RFX3: variants seen among roughly 807,000 people sequenced by gnomAD.
RFX3 encodes the protein transcription factor RFX3.
In RFX3, 14 loss-of-function variants were observed where a neutral mutation model predicts 98.6. The observed-to-expected ratio is 0.14, with a 90% CI of 0.09 to 0.22. The LOEUF (loss-of-function observed/expected upper bound fraction) is 0.22, where lower values mean the gene tolerates loss of function less well. RFX3 is among the 10% of genes least tolerant of loss of function. The pLI is 1.00. For synonymous variants in RFX3, 383 were observed against 328.4 expected (o/e 1.17, Z -1.80); for missense variants, 639 against 926.9 (o/e 0.69, Z 4.03).
rs568451567 is a variant in RFX3 at position 3,376,828 on chromosome 9, C to T, written c.117+18644G>A. 5.7e-3 allele frequency among the ~76,000 whole-genome samples: 866 copies of T among 152,280 alleles called. 1 individual carries two copies. Among genetic ancestry groups the T allele is most frequent in the Non-Finnish European group, 7.1e-3 (484 of 68,026 alleles). The stretch of plus-strand genomic sequence containing the variant: ...CAAAAGAAGACATTTATGCAGCCAA[C>T]AGACACATGAAAAAATGCTCATCAT... On this transcript the variant is annotated intron_variant, in intron 2 of 16. Coordinates refer to ENST00000617270, the MANE Select transcript of RFX3 (RefSeq NM_001282116.2).
intron 10 of RFX3, chr9:3,270,763 G>C (rs1033693671): frequency 7.5e-6 from 5 of 668,844 alleles, no homozygotes; most frequent in African/African-American, 7.3e-5. Context: ...AGATATGATA[G>C]TAATTCCATG....
intron 2 of RFX3, among the ~76,000 whole-genome samples, chr9:3,371,089 T>G (rs1837790636): frequency 6.6e-6 from 1 of 152,208 alleles, no homozygotes; most frequent in South Asian, 2.1e-4. Flanking sequence ...GTCATTCAAT[T>G]TATTCACTAT....
intron 1 of RFX3, among the ~76,000 whole-genome samples, chr9:3,500,259 T>C (rs1424542539): frequency 6.6e-6 from 1 of 151,830 alleles, no homozygotes; most frequent in African/African-American, 2.4e-5. Context: ...AAACAGCGCA[T>C]AGCAAAGCAA....
At position 3,224,935 on chromosome 9, in the gene RFX3, C is replaced by G; in HGVS notation, c.*107G>C. On this transcript the variant is annotated 3_prime_UTR_variant, in exon 17 of 17. Coordinates refer to ENST00000617270, the MANE Select transcript of RFX3 (RefSeq NM_001282116.2). ...ACAACTCCAAAAAGTTAATGTTCAG[C>G]ACAGATAGAATTTGACAACAGTCGA... 8.9e-7 allele frequency: 1 copy of G among 1,122,064 alleles called. No individual in the cohort carries two copies. 69.5% of individuals were successfully genotyped at this position (1,122,064 alleles called of 1,614,324 possible). A position where few individuals can be genotyped will look rare whatever the true frequency, so the allele number is the denominator to read the frequency against.
At chr9:3,428,337 C>T (rs1384329218) in intron 1 of RFX3, among the ~76,000 whole-genome samples, 5 of 152,000 alleles carry the variant, frequency 3.3e-5, no homozygotes, top group East Asian at 1.9e-4. Flanking sequence ...ATAGGTAGCG[C>T]TAAATAATTT....
At chr9:3,355,372 CT>C (rs1835625860) in intron 2 of RFX3, among the ~76,000 whole-genome samples, 2 of 151,680 alleles carry the variant, frequency 1.3e-5, no homozygotes, top group African/African-American at 4.8e-5. Flanking sequence ...AGAGATAAAT[CT>C]TGCAAATGCC....
chr9:3,494,966 G>C (rs1263517334), intron 1 of RFX3, among the ~76,000 whole-genome samples: 1 of 152,018 alleles, frequency 6.6e-6, no homozygotes, highest in Non-Finnish European at 1.5e-5. Flanking sequence ...CCAATAGTGA[G>C]AGTCTGGACA....
At position 3,320,597 on chromosome 9, in the gene RFX3, T is replaced by C. The variant is rs370074074; in HGVS notation, c.474+9662A>G. On this transcript the variant is annotated intron_variant, in intron 4 of 16. Transcript: ENST00000617270. Reference sequence around the variant, plus strand: ...AAAAAAAAAACTTTAGGATATCTTATATAAGCACATAGTAATATGTGTTTC... The same window carrying C: ...AAAAAAAAAACTTTAGGATATCTTACATAAGCACATAGTAATATGTGTTTC... 5.3e-5 allele frequency among the ~76,000 whole-genome samples: 8 copies of C among 150,788 alleles called. No homozygotes were observed. In the East Asian group the frequency reaches 1.4e-3, roughly 26 times the overall value.
intron 15 of RFX3, among the ~76,000 whole-genome samples, chr9:3,235,847 T>A (rs1377003020): frequency 6.6e-6 from 1 of 152,174 alleles, no homozygotes; most frequent in Non-Finnish European, 1.5e-5. Context: ...TCTCCCCATT[T>A]AAATTCAACC....
At chr9:3,511,316 A>T (rs907467824) in intron 1 of RFX3, among the ~76,000 whole-genome samples, 7 of 152,024 alleles carry the variant, frequency 4.6e-5, no homozygotes, top group African/African-American at 1.7e-4. Context: ...ATTATAGAAT[A>T]GTTTCATGTA....
chr9:3,508,555 C>A (rs186450744), intron 1 of RFX3, among the ~76,000 whole-genome samples: 1 of 151,834 alleles, frequency 6.6e-6, no homozygotes, highest in Non-Finnish European at 1.5e-5. Context: ...AGAGGAACTT[C>A]TAGGCAAAAA....
chr9:3,244,322 G>A (rs994528654), intron 15 of RFX3, among the ~76,000 whole-genome samples: 1 of 152,054 alleles, frequency 6.6e-6, no homozygotes. Flanking sequence ...TTCATCATTT[G>A]TAACACAGGT....
intron 1 of RFX3, among the ~76,000 whole-genome samples, chr9:3,421,266 G>A (rs768520391): frequency 2.0e-5 from 3 of 152,178 alleles, no homozygotes; most frequent in Non-Finnish European, 4.4e-5. Context: ...GTCTTGAGGA[G>A]CCGGTCAAAA....
At chr9:3,310,484 T>C (rs929214925) in intron 4 of RFX3, among the ~76,000 whole-genome samples, 1 of 152,232 alleles carries the variant, frequency 6.6e-6, no homozygotes, top group African/African-American at 2.4e-5. Flanking sequence ...AATATTGATA[T>C]ATTCAACTAT....
intron 2 of RFX3, among the ~76,000 whole-genome samples, chr9:3,362,651 G>A (rs558399519): frequency 1.3e-5 from 2 of 152,214 alleles, no homozygotes; most frequent in Non-Finnish European, 2.9e-5. Context: ...GTGTAATAGT[G>A]TTATGCCTGA....
At chr9:3,365,376 G>T (rs187993757) in intron 2 of RFX3, among the ~76,000 whole-genome samples, 3 of 150,906 alleles carry the variant, frequency 2.0e-5, no homozygotes, top group Admixed American at 2.0e-4. Context: ...GCAAAAGACA[G>T]AATATTAGAA....
At chr9:3,260,718 G>A (rs770493652) in intron 13 of RFX3, among the ~76,000 whole-genome samples, 48 of 151,206 alleles carry the variant, frequency 3.2e-4, no homozygotes, top group Admixed American at 7.2e-4. Context: ...TACATCCCAC[G>A]GAAATATGTA....
chr9:3,481,940 C>T (rs1849800959), intron 1 of RFX3, among the ~76,000 whole-genome samples: 1 of 152,034 alleles, frequency 6.6e-6, no homozygotes, highest in Non-Finnish European at 1.5e-5. Context: ...AGCATTATTG[C>T]TGGGCATATG....
intron 1 of RFX3, among the ~76,000 whole-genome samples, chr9:3,483,870 T>C (rs893624833): frequency 2.0e-5 from 3 of 152,296 alleles, no homozygotes; most frequent in Admixed American, 6.5e-5. Context: ...ATTTACCTCA[T>C]GTCTTCTAGT....
Sources: allele counts gnomAD v4.1 joint callset (sites outside exome capture counted in the v4.1 genomes callset), GRCh38; gene constraint gnomAD v4.1.1; transcripts MANE v1.5; gene names NCBI Gene and HGNC (gene_info 2026-07-23, HGNC 2026-07-21).